The following RCAN2 variants were observed in gnomAD, a reference collection of about 807,000 sequenced individuals.
The protein encoded by RCAN2 is regulator of calcineurin 2, also known as calcipressin-2.
A neutral mutation model predicts 23.6 loss-of-function variants in RCAN2; 9 were observed. The ratio of observed to expected loss-of-function variants is 0.38; its 90% confidence interval spans 0.23 to 0.67. The LOEUF (loss-of-function observed/expected upper bound fraction) is 0.67. Among genes scored for constraint, RCAN2 ranks in the 30% least tolerant of loss-of-function variants. The pLI is 0.51. For synonymous variants in RCAN2, 109 were observed against 115.7 expected, an observed-to-expected ratio of 0.94 and a Z score of 0.37; for missense variants, 273 against 302.3, an observed-to-expected ratio of 0.90 and a Z score of 0.72.
intron 2 of RCAN2, among the ~76,000 whole-genome samples, chr6:46,351,172 C>T (rs1234789003): frequency 6.6e-6 from 1 of 152,180 alleles, no homozygotes; most frequent in Non-Finnish European, 1.5e-5. Flanking sequence ...GTAAATGAGG[C>T]CAGGATTTCA....
rs1013776087 is a variant in RCAN2 at position 46,334,333 on chromosome 6, C to T, written c.226-85437G>A. ...GCCCACAGCTATATCTCCAAGTGCC[C>T]CCAAACAACAAGGCCTGCCATGCAG... On this transcript the variant is annotated intron_variant, in intron 2 of 4. Transcript: ENST00000371374. Among the ~76,000 whole-genome samples, 6 of 152,178 alleles carry T rather than the reference C, an allele frequency of 3.9e-5. No homozygotes were observed. In the East Asian group the frequency reaches 1.2e-3, roughly 29 times the overall value.
intron 4 of RCAN2, among the ~76,000 whole-genome samples, chr6:46,238,537 T>C (rs1013133142): frequency 1.3e-5 from 2 of 152,128 alleles, no homozygotes; most frequent in African/African-American, 4.8e-5. Flanking sequence ...GCTAAGAGCT[T>C]AACACAGGCA....
chr6:46,270,516 G>T (rs553562691), intron 2 of RCAN2, among the ~76,000 whole-genome samples: 1 of 152,304 alleles, frequency 6.6e-6, no homozygotes, highest in South Asian at 2.1e-4. Context: ...TTTACTCGTT[G>T]TGTGTGATTG....
intron 2 of RCAN2, among the ~76,000 whole-genome samples, chr6:46,369,856 GC>G (rs1463084037): frequency 2.6e-5 from 4 of 152,044 alleles, no homozygotes; most frequent in South Asian, 2.1e-4. Context: ...TTTTCCAATG[GC>G]CTTTCCCTTC....
intron 2 of RCAN2, among the ~76,000 whole-genome samples, chr6:46,274,707 T>G (rs1412396692): frequency 6.6e-6 from 1 of 152,170 alleles, no homozygotes; most frequent in African/African-American, 2.4e-5. Flanking sequence ...ATGTTAACAG[T>G]AGAGCAGACA....
intron 2 of RCAN2, among the ~76,000 whole-genome samples, chr6:46,364,801 C>T (rs1011328540): frequency 6.6e-6 from 1 of 152,180 alleles, no homozygotes; most frequent in Admixed American, 6.5e-5. Context: ...CCCTGGAGTC[C>T]TTGGCATGCC....
chr6:46,302,137 C>A (rs1762921902), intron 2 of RCAN2, among the ~76,000 whole-genome samples: 1 of 151,880 alleles, frequency 6.6e-6, no homozygotes, highest in Admixed American at 6.6e-5. Flanking sequence ...AAGGTGAAAT[C>A]AATAGGACTT....
chr6:46,260,572 A>G (rs1275754838), intron 2 of RCAN2, among the ~76,000 whole-genome samples: 2 of 152,198 alleles, frequency 1.3e-5, no homozygotes, highest in South Asian at 2.1e-4. Flanking sequence ...CATAGTTTGC[A>G]TGCCTAGGGC....
At chr6:46,354,707 T>A (rs1190039766) in intron 2 of RCAN2, among the ~76,000 whole-genome samples, 1 of 152,234 alleles carries the variant, frequency 6.6e-6, no homozygotes, top group Non-Finnish European at 1.5e-5. Flanking sequence ...CCACCCAATG[T>A]TTAAGTGCTT....
intron 2 of RCAN2, among the ~76,000 whole-genome samples, chr6:46,359,507 A>G (rs1272293030): frequency 1.3e-5 from 2 of 152,182 alleles, no homozygotes; most frequent in Non-Finnish European, 2.9e-5. Flanking sequence ...TTCCAACACT[A>G]ATTTCATTCT....
intron 4 of RCAN2, 90 bp downstream of exon 4, chr6:46,246,658 G>T: frequency 9.4e-7 from 1 of 1,067,402 alleles, no homozygotes; most frequent in Non-Finnish European, 1.4e-6. Flanking sequence ...AGATGTTACT[G>T]TGAACCCAGG....
chr6:46,403,001 G>C (rs918977780), intron 2 of RCAN2, among the ~76,000 whole-genome samples: 1 of 149,540 alleles, frequency 6.7e-6, no homozygotes, highest in African/African-American at 2.5e-5. Flanking sequence ...GTCTCGCTCT[G>C]TTACCCAGGC....
chr6:46,242,925 A>T (rs983291636), intron 4 of RCAN2, among the ~76,000 whole-genome samples: 18 of 152,362 alleles, frequency 1.2e-4, no homozygotes, highest in African/African-American at 4.1e-4. Flanking sequence ...ACTATGTGCC[A>T]GGTAGTTTCA....
chr6:46,403,572 CAAAA>C, intron 2 of RCAN2, among the ~76,000 whole-genome samples: 1 of 122,614 alleles, frequency 8.2e-6, no homozygotes. Context: ...AACTCCGTAT[CAAAA>C]AAAAAAAAAA....
intron 2 of RCAN2, among the ~76,000 whole-genome samples, chr6:46,263,535 GTGTA>G (rs1175956981): frequency 6.8e-5 from 4 of 58,788 alleles, no homozygotes; most frequent in South Asian, 5.4e-4. Flanking sequence ...GTGTGTGTGT[GTGTA>G]TGTGTGTGTG....
At chr6:46,362,027 G>A (rs1765029110) in intron 2 of RCAN2, among the ~76,000 whole-genome samples, 1 of 152,010 alleles carries the variant, frequency 6.6e-6, no homozygotes, top group Non-Finnish European at 1.5e-5. Flanking sequence ...TTCAAGTCTT[G>A]GAATTTGAAA....
At chr6:46,418,379 C>T (rs1263833767) in intron 2 of RCAN2, among the ~76,000 whole-genome samples, 4 of 152,184 alleles carry the variant, frequency 2.6e-5, no homozygotes. Context: ...ATTAAAGCTG[C>T]CACTTTTTCG....
intron 2 of RCAN2, among the ~76,000 whole-genome samples, chr6:46,440,934 G>A (rs1437185790): frequency 1.3e-5 from 2 of 152,166 alleles, no homozygotes; most frequent in Admixed American, 1.3e-4. Context: ...TCAAGGCTAT[G>A]ATATAAAAGC....
intron 2 of RCAN2, among the ~76,000 whole-genome samples, chr6:46,263,455 G>A (rs1767184711): frequency 2.0e-5 from 1 of 48,928 alleles, no homozygotes; most frequent in African/African-American, 9.7e-5. Context: ...ATCAGAGAGT[G>A]TGTGTGTGTG....
Sources: allele counts gnomAD v4.1 joint callset (sites outside exome capture counted in the v4.1 genomes callset), GRCh38; gene constraint gnomAD v4.1.1; transcripts MANE v1.5; gene names NCBI Gene and HGNC (gene_info 2026-07-23, HGNC 2026-07-21).